The following ACOXL variants were observed in gnomAD, a reference collection of about 807,000 sequenced individuals.
ACOXL encodes acyl-CoA oxidase like.
ACOXL carries 70 observed loss-of-function variants against 71.9 expected under a neutral mutation model. That is an observed-to-expected ratio of 0.97 (90% CI 0.80 to 1.19). The LOEUF is 1.19. Ranked by LOEUF, ACOXL falls within the 50% of genes most tolerant of loss-of-function variation. The probability of loss-of-function intolerance (pLI) is 0.00; values close to 1 mark genes in which losing one functional copy is unlikely to be tolerated. For synonymous variants in ACOXL, 253 were observed against 281.6 expected (o/e 0.90, Z 1.02); for missense variants, 703 against 736.3 (o/e 0.95, Z 0.52).
At position 110,804,526 on chromosome 2, in the gene ACOXL, T is replaced by TAC. The variant is rs140384978; in HGVS notation, c.621-733_621-732dup. Among the ~76,000 whole-genome samples, 6 of 152,268 alleles carry TAC rather than the reference T, an allele frequency of 3.9e-5. No individual in the cohort carries two copies. In the East Asian group the frequency reaches 1.2e-3, roughly 29 times the overall value. On this transcript the variant is annotated intron_variant, in intron 8 of 17. Coordinates refer to ENST00000439055, the MANE Select transcript of ACOXL (RefSeq NM_001142807.4). ...AAACCTATATCCACACAATAAATTA[T>TAC]ACACAAATGTCCATAGCATAATTAT... is the stretch of plus-strand genomic sequence containing the variant.
At chr2:110,830,183 C>A (rs1292725836) in intron 9 of ACOXL, among the ~76,000 whole-genome samples, 1 of 152,212 alleles carries the variant, frequency 6.6e-6, no homozygotes, top group Non-Finnish European at 1.5e-5. Context: ...AAAGCACTTA[C>A]ATCAAACATT....
intron 16 of ACOXL, among the ~76,000 whole-genome samples, chr2:111,078,519 C>G (rs1413543296): frequency 1.3e-5 from 2 of 152,172 alleles, no homozygotes; most frequent in Non-Finnish European, 2.9e-5. Context: ...CCACCTCAGC[C>G]CCCCAAAATG....
chr2:110,957,875 G>A (rs2061556870), intron 12 of ACOXL, among the ~76,000 whole-genome samples: 1 of 151,792 alleles, frequency 6.6e-6, no homozygotes, highest in South Asian at 2.1e-4. Flanking sequence ...TGGCCAACAT[G>A]GTGAAACCCC....
chr2:110,768,138 T>C (rs1405568884), intron 1 of ACOXL, among the ~76,000 whole-genome samples: 6 of 151,910 alleles, frequency 3.9e-5, no homozygotes, highest in African/African-American at 1.5e-4. Context: ...TCTCAAATAA[T>C]AATATTAATA....
chr2:110,943,166 A>G (rs34453284), intron 12 of ACOXL, among the ~76,000 whole-genome samples: 65,231 of 141,298 alleles, frequency 0.46, 16,203 homozygotes, highest in East Asian at 0.6. Flanking sequence ...GAAAAAGAAA[A>G]AGGGAGGGAG....
At chr2:111,068,394 A>G (rs2067176154) in intron 16 of ACOXL, among the ~76,000 whole-genome samples, 1 of 152,182 alleles carries the variant, frequency 6.6e-6, no homozygotes, top group Non-Finnish European at 1.5e-5. Flanking sequence ...AGCAAGATTT[A>G]GCTGAATGTT....
At chr2:110,791,829 A>G (rs1684683541) in intron 3 of ACOXL, among the ~76,000 whole-genome samples, 1 of 152,184 alleles carries the variant, frequency 6.6e-6, no homozygotes, top group Admixed American at 6.5e-5. Flanking sequence ...TGACCCCAGG[A>G]AAAAAGTCGA....
At chr2:110,803,985 CTT>C (rs1177385627) in intron 8 of ACOXL, among the ~76,000 whole-genome samples, 21 of 132,182 alleles carry the variant, frequency 1.6e-4, no homozygotes, top group African/African-American at 1.1e-4. Flanking sequence ...ACTAGGATGT[CTT>C]TTTTTTTTTT....
intron 16 of ACOXL, among the ~76,000 whole-genome samples, chr2:111,086,040 C>G (rs939176397): frequency 6.6e-6 from 1 of 152,048 alleles, no homozygotes; most frequent in African/African-American, 2.4e-5. Flanking sequence ...GTTAACAGAC[C>G]AATAATGAGC....
intron 9 of ACOXL, among the ~76,000 whole-genome samples, chr2:110,818,449 G>GTATA (rs1395970590): frequency 1.4e-5 from 2 of 144,954 alleles, no homozygotes; most frequent in East Asian, 4.0e-4. Flanking sequence ...GTGTGTGTGT[G>GTATA]TGTATATATA....
intron 16 of ACOXL, among the ~76,000 whole-genome samples, chr2:111,059,768 GA>G (rs11385062): frequency 2.4e-3 from 320 of 134,538 alleles, no homozygotes; most frequent in African/African-American, 4.9e-3. Context: ...GCACACAAAG[GA>G]AAAAAAAAAA....
At chr2:110,805,141 G>A in intron 8 of ACOXL, 122 bp from the exon 9 acceptor site, 1 of 1,322,718 alleles carries the variant, frequency 7.6e-7, no homozygotes, top group Non-Finnish European at 1.0e-6. Context: ...GTCTCAAGGG[G>A]GAAGTTCCAC....
At chr2:111,053,894 T>C (rs1447803442) in intron 16 of ACOXL, among the ~76,000 whole-genome samples, 1 of 152,182 alleles carries the variant, frequency 6.6e-6, no homozygotes, top group Non-Finnish European at 1.5e-5. Context: ...CAGAGGAAAG[T>C]GGCCCTTGCT....
chr2:110,971,228 T>C (rs144782412), intron 12 of ACOXL, among the ~76,000 whole-genome samples: 1 of 152,374 alleles, frequency 6.6e-6, no homozygotes, highest in East Asian at 1.9e-4. Context: ...AGGTACATCA[T>C]TGTAGCCATT....
intron 9 of ACOXL, among the ~76,000 whole-genome samples, chr2:110,809,602 C>T (rs954412676): frequency 5.3e-5 from 8 of 152,180 alleles, no homozygotes; most frequent in Admixed American, 1.3e-4. Flanking sequence ...TCTTTTCCTA[C>T]GGTGTGCATT....
intron 16 of ACOXL, among the ~76,000 whole-genome samples, chr2:111,084,640 G>A (rs190748669): frequency 3.3e-5 from 5 of 152,088 alleles, no homozygotes; most frequent in African/African-American, 7.2e-5. Flanking sequence ...AAGAAATCCC[G>A]GAAAATTATA....
intron 12 of ACOXL, among the ~76,000 whole-genome samples, chr2:110,986,640 A>G (rs894224558): frequency 1.3e-5 from 2 of 152,244 alleles, no homozygotes; most frequent in African/African-American, 4.8e-5. Context: ...GGCCCAAATT[A>G]TAACTTTAAA....
chr2:110,920,926 T>G (rs2060043464), intron 11 of ACOXL, among the ~76,000 whole-genome samples: 1 of 152,164 alleles, frequency 6.6e-6, no homozygotes. Flanking sequence ...GCATTTTACC[T>G]TTTTGAAGGT....
At chr2:110,933,308 A>T (rs1468467384) in intron 11 of ACOXL, among the ~76,000 whole-genome samples, 181 bp from the exon 12 acceptor site, 1 of 152,100 alleles carries the variant, frequency 6.6e-6, no homozygotes. Flanking sequence ...TTAGGTTTCC[A>T]CTGGTAGCGT....
Sources: allele counts gnomAD v4.1 joint callset (sites outside exome capture counted in the v4.1 genomes callset), GRCh38; gene constraint gnomAD v4.1.1; transcripts MANE v1.5; gene names NCBI Gene and HGNC (gene_info 2026-07-23, HGNC 2026-07-21).